Variants in MYO1D observed in about 807,000 individuals in gnomAD.
The protein encoded by MYO1D is myosin ID, also known as unconventional myosin-Id.
Under a neutral mutation model 122.0 loss-of-function variants are expected in MYO1D, and 83 were observed. The ratio of observed to expected loss-of-function variants is 0.68; its 90% CI spans 0.57 to 0.82. The LOEUF is 0.82. Among genes scored for constraint, MYO1D ranks in the 40% least tolerant of loss-of-function variants. MYO1D has a pLI of 0.00. For missense variants in MYO1D, 1,157 were observed against 1,269.5 expected, an observed-to-expected ratio of 0.91 and a Z score of 1.35; for synonymous variants, 464 against 446.9, an observed-to-expected ratio of 1.04 and a Z score of -0.48.
At chr17:32,860,679 G>C (rs1334518048) in intron 1 of MYO1D, among the ~76,000 whole-genome samples, 2 of 152,164 alleles carry the variant, frequency 1.3e-5, no homozygotes, top group Non-Finnish European at 2.9e-5. Context: ...AAAGAGCTAG[G>C]AATAGGACAA....
chr17:32,868,806 T>C (rs1217551548), intron 1 of MYO1D, among the ~76,000 whole-genome samples: 2 of 152,310 alleles, frequency 1.3e-5, no homozygotes, highest in South Asian at 4.1e-4. Flanking sequence ...AACTTGGTCA[T>C]TTACGTCTCA....
intron 21 of MYO1D, among the ~76,000 whole-genome samples, chr17:32,542,222 G>A (rs912023429): frequency 3.9e-5 from 6 of 152,168 alleles, no homozygotes; most frequent in South Asian, 2.1e-4. Context: ...CCACCGGGCC[G>A]ACAGAGGATT....
chr17:32,639,232 T>A (rs552194174), intron 19 of MYO1D, among the ~76,000 whole-genome samples: 243 of 152,194 alleles, frequency 1.6e-3, no homozygotes, highest in African/African-American at 5.7e-3. Context: ...AGAAATAATA[T>A]GAAGCCCTTG....
intron 21 of MYO1D, among the ~76,000 whole-genome samples, chr17:32,542,339 C>T (rs1253175602): frequency 1.3e-5 from 2 of 152,200 alleles, no homozygotes; most frequent in African/African-American, 4.8e-5. Context: ...GCCTGGCACA[C>T]TGCTATTGTG....
intron 11 of MYO1D, among the ~76,000 whole-genome samples, chr17:32,753,388 AAAT>A (rs1278210326): frequency 6.6e-6 from 1 of 152,152 alleles, no homozygotes; most frequent in Non-Finnish European, 1.5e-5. Context: ...CCCAGATCTA[AAAT>A]AATAAAAATA....
intron 16 of MYO1D, among the ~76,000 whole-genome samples, chr17:32,687,328 C>G (rs1436030364): frequency 1.3e-5 from 2 of 151,998 alleles, no homozygotes; most frequent in African/African-American, 2.4e-5. Flanking sequence ...TCCCAAGTAG[C>G]TGGGACTCCA....
intron 1 of MYO1D, among the ~76,000 whole-genome samples, chr17:32,832,438 T>C (rs1262388960): frequency 6.6e-6 from 1 of 152,096 alleles, no homozygotes; most frequent in Admixed American, 6.6e-5. Context: ...TAGCTGGGAC[T>C]ACAGGCGCCC....
intron 21 of MYO1D, among the ~76,000 whole-genome samples, chr17:32,593,237 A>G (rs2087457351): frequency 1.3e-5 from 2 of 152,338 alleles, no homozygotes; most frequent in African/African-American, 4.8e-5. Context: ...AGTTATTTGG[A>G]GACATTTCCA....
At chr17:32,828,283 G>A (rs751253069) in intron 1 of MYO1D, among the ~76,000 whole-genome samples, 2 of 152,134 alleles carry the variant, frequency 1.3e-5, no homozygotes, top group Admixed American at 6.5e-5. Flanking sequence ...TTGGGAGGCC[G>A]AGTCGGGCGG....
intron 17 of MYO1D, 37 bp from the exon 18 acceptor site, chr17:32,654,658 A>C (rs772047476): frequency 1.3e-6 from 2 of 1,528,444 alleles, no homozygotes; most frequent in Admixed American, 4.4e-5. Context: ...AGACTTTAGA[A>C]ATGCAATCCC....
chr17:32,662,388 C>G (rs1333203223), intron 16 of MYO1D, among the ~76,000 whole-genome samples: 1 of 152,116 alleles, frequency 6.6e-6, no homozygotes, highest in Admixed American at 6.5e-5. Flanking sequence ...TTAAGAGCTG[C>G]GCAGCGGGAC....
intron 21 of MYO1D, among the ~76,000 whole-genome samples, chr17:32,595,746 A>G (rs1597918233): frequency 6.6e-6 from 1 of 152,378 alleles, no homozygotes; most frequent in African/African-American, 2.4e-5. Flanking sequence ...CAATATAAAT[A>G]AAGTCTCTGC....
chr17:32,580,324 T>A (rs1425651796), intron 21 of MYO1D, among the ~76,000 whole-genome samples: 1 of 100,722 alleles, frequency 9.9e-6, no homozygotes, highest in Non-Finnish European at 2.1e-5. Context: ...TTTTTTTTTT[T>A]TACCAGAAAT....
At chr17:32,729,714 C>G (rs2089615244) in intron 14 of MYO1D, among the ~76,000 whole-genome samples, 1 of 152,150 alleles carries the variant, frequency 6.6e-6, no homozygotes, top group African/African-American at 2.4e-5. Flanking sequence ...CTGAACATAG[C>G]TTCTGGCTTT....
chr17:32,757,306 A>G (rs936575634), intron 10 of MYO1D, among the ~76,000 whole-genome samples: 4 of 151,956 alleles, frequency 2.6e-5, no homozygotes, highest in African/African-American at 9.7e-5. Context: ...GAATAGGGGG[A>G]ATTTTGCTCA....
intron 21 of MYO1D, among the ~76,000 whole-genome samples, chr17:32,540,027 T>C (rs939524595): frequency 6.6e-6 from 1 of 151,998 alleles, no homozygotes; most frequent in Non-Finnish European, 1.5e-5. Context: ...TCAAAAACTT[T>C]TGTGCTTCAA....
intron 16 of MYO1D, among the ~76,000 whole-genome samples, chr17:32,675,988 T>A (rs1232845374): frequency 6.6e-6 from 1 of 152,218 alleles, no homozygotes; most frequent in Non-Finnish European, 1.5e-5. Flanking sequence ...CTAAGCATCC[T>A]TGCAGTACTC....
At chr17:32,717,277 A>G (rs114885378) in intron 15 of MYO1D, among the ~76,000 whole-genome samples, 3 of 152,342 alleles carry the variant, frequency 2.0e-5, no homozygotes, top group African/African-American at 7.2e-5. Context: ...TTTCCTGTCT[A>G]GTTAATCACG....
chr17:32,711,629 T>C (rs746906484), intron 16 of MYO1D, among the ~76,000 whole-genome samples: 1 of 150,640 alleles, frequency 6.6e-6, no homozygotes, highest in Admixed American at 6.6e-5. Flanking sequence ...CTAGGTGACA[T>C]AGTGAGACTC....
Sources: gnomAD v4.1 joint callset for allele counts (sites outside exome capture counted in the v4.1 genomes callset) on GRCh38, gnomAD v4.1.1 for gene constraint, MANE v1.5 for transcripts, NCBI Gene and HGNC (gene_info 2026-07-23, HGNC 2026-07-21) for gene names.